The following TNFAIP8 variants were observed in gnomAD, a reference collection of about 807,000 sequenced individuals.
The protein encoded by TNFAIP8 is tumor necrosis factor alpha-induced protein 8.
In TNFAIP8, 7 loss-of-function variants were observed where a neutral mutation model predicts 13.3. The ratio of observed to expected loss-of-function variants is 0.52; its 90% CI spans 0.30 to 0.99. The LOEUF is 0.99. Among genes scored for constraint, TNFAIP8 ranks in the 50% least tolerant of loss-of-function variants. The probability of loss-of-function intolerance (pLI) is 0.07; values close to 1 mark genes in which losing one functional copy is unlikely to be tolerated. For synonymous variants in TNFAIP8, 94 were observed against 87.6 expected (o/e 1.07, Z -0.41); for missense variants, 258 against 236.9 (o/e 1.09, Z -0.58).
intron 1 of TNFAIP8, among the ~76,000 whole-genome samples, chr5:119,350,890 C>G (rs576308712): frequency 6.6e-6 from 1 of 152,202 alleles, no homozygotes; most frequent in Non-Finnish European, 1.5e-5. Flanking sequence ...CCACATCAGC[C>G]TCCCCAGTCT....
intron 1 of TNFAIP8, among the ~76,000 whole-genome samples, chr5:119,284,572 T>G (rs952996580): frequency 6.6e-6 from 1 of 151,974 alleles, no homozygotes; most frequent in Non-Finnish European, 1.5e-5. Context: ...TCCCAGCTCC[T>G]TGGGAGGCTG....
chr5:119,365,670 T>C (rs1040657773), intron 1 of TNFAIP8, among the ~76,000 whole-genome samples: 1 of 152,226 alleles, frequency 6.6e-6, no homozygotes, highest in African/African-American at 2.4e-5. Context: ...AGCAAAATAT[T>C]AGTGCACTGA....
chr5:119,386,837 C>T (rs1752694314), intron 1 of TNFAIP8, among the ~76,000 whole-genome samples: 1 of 152,176 alleles, frequency 6.6e-6, no homozygotes, highest in Non-Finnish European at 1.5e-5. Context: ...ATTAAGGTGC[C>T]TGGCACTTGT....
chr5:119,385,999 G>A (rs12332329), intron 1 of TNFAIP8, among the ~76,000 whole-genome samples: 47,569 of 152,006 alleles, frequency 0.31, 7,708 homozygotes, highest in African/African-American at 0.4. Flanking sequence ...CCTGAGCAGT[G>A]TGGCAGTTCA....
intron 1 of TNFAIP8, among the ~76,000 whole-genome samples, chr5:119,363,655 C>T (rs1159102763): frequency 1.3e-5 from 2 of 152,228 alleles, no homozygotes; most frequent in Admixed American, 1.3e-4. Flanking sequence ...ACATTGCTGA[C>T]ACCGAATGTG....
chr5:119,356,016 G>T, upstream of TNFAIP8: 1 of 1,538,356 alleles, frequency 6.5e-7, no homozygotes, highest in Non-Finnish European at 8.8e-7. Flanking sequence ...TGCGGATTTC[G>T]CTGCAGAGCG....
intron 1 of TNFAIP8, among the ~76,000 whole-genome samples, chr5:119,332,786 T>C (rs1339907890): frequency 6.6e-6 from 1 of 152,202 alleles, no homozygotes; most frequent in African/African-American, 2.4e-5. Context: ...CCCACGTAAA[T>C]AAACAGGCTC....
At chr5:119,357,268 C>T (rs1751465722) in intron 1 of TNFAIP8, among the ~76,000 whole-genome samples, 1 of 152,174 alleles carries the variant, frequency 6.6e-6, no homozygotes, top group Non-Finnish European at 1.5e-5. Context: ...TGAAAAATGA[C>T]AGCCAGGAGC....
intron 1 of TNFAIP8, among the ~76,000 whole-genome samples, chr5:119,311,782 A>G (rs994663218): frequency 6.6e-6 from 1 of 151,754 alleles, no homozygotes; most frequent in African/African-American, 2.4e-5. Context: ...ATTATTAGGA[A>G]GTGCTGATGA....
At chr5:119,375,123 G>C (rs1261717708) in intron 1 of TNFAIP8, among the ~76,000 whole-genome samples, 1 of 152,200 alleles carries the variant, frequency 6.6e-6, no homozygotes, top group African/African-American at 2.4e-5. Flanking sequence ...CCAAAAGTTT[G>C]TAAGCTTTGC....
intron 1 of TNFAIP8, among the ~76,000 whole-genome samples, chr5:119,304,069 G>C (rs2112657544): frequency 6.6e-6 from 1 of 151,918 alleles, no homozygotes; most frequent in East Asian, 1.9e-4. Context: ...TCATTCCCCA[G>C]CTTGAAATTC....
intron 1 of TNFAIP8, among the ~76,000 whole-genome samples, chr5:119,336,028 G>A (rs1322661015): frequency 1.3e-5 from 2 of 152,040 alleles, no homozygotes; most frequent in African/African-American, 2.4e-5. Context: ...GAGGGCAAGC[G>A]GCTGCAAAGG....
In TNFAIP8 at chr5:119,395,834, C is replaced by G. The variant is rs539812342; in HGVS notation, c.*2453C>G. 2.0e-5 allele frequency: 3 copies of G among 152,152 alleles called. No individual in the cohort carries two copies. The highest frequency in any genetic ancestry group is 4.4e-5 in the Non-Finnish European group (3 of 68,036). The allele number at this position is 152,152 out of a possible 1,614,324, so 9.4% of individuals were successfully genotyped here. ...TAGATAAATCTGAGCCGAGTTAATA[C>G]TAATTTGGGGATCCTATGAACCTTT... On this transcript the variant is annotated 3_prime_UTR_variant, in exon 2 of 2. Coordinates refer to ENST00000504771, the MANE Select transcript of TNFAIP8 (RefSeq NM_014350.4).
chr5:119,316,284 T>C (rs2112325), intron 1 of TNFAIP8: 58,753 of 151,424 alleles, frequency 0.39, 12,066 homozygotes, highest in African/African-American at 0.5. Context: ...CTCAGTCTCC[T>C]GAGTAGCTGG....
upstream of TNFAIP8, chr5:119,355,550 T>G (rs1010356231): frequency 3.8e-5 from 22 of 580,796 alleles, no homozygotes; most frequent in Admixed American, 2.2e-4. Context: ...CCGTAATTTT[T>G]GGGTTGCAAG....
rs1753059579 is a variant in TNFAIP8 at position 119,395,812 on chromosome 5, A to G, written c.*2431A>G. 1 of 152,212 alleles carries G rather than the reference A, an allele frequency of 6.6e-6. No individual in the cohort carries two copies. Among genetic ancestry groups the G allele is most frequent in the South Asian group, 2.1e-4 (1 of 4,824 alleles). 9.4% of individuals were successfully genotyped at this position (152,212 alleles called of 1,614,324 possible). On this transcript the variant is annotated 3_prime_UTR_variant, in exon 2 of 2. Coordinates refer to ENST00000504771, the MANE Select transcript of TNFAIP8 (RefSeq NM_014350.4). Reference sequence around the variant, plus strand: ...AAGAATCCCCACGTGCTTAGGGTAGATAAATCTGAGCCGAGTTAATACTAA... The same window carrying G: ...AAGAATCCCCACGTGCTTAGGGTAGGTAAATCTGAGCCGAGTTAATACTAA...
In TNFAIP8 at chr5:119,282,080, A is replaced by G. The variant is rs150978804; in HGVS notation, c.1+13173A>G. On this transcript the variant is annotated intron_variant, in intron 1 of 1. Transcript: ENST00000274456. Reference sequence around the variant, plus strand: ...TTTAGCACTTTTCAGAGTATCAACTATATATCATTTCATTCAGTCAACAGA... The same window carrying G: ...TTTAGCACTTTTCAGAGTATCAACTGTATATCATTTCATTCAGTCAACAGA... Among the ~76,000 whole-genome samples, 1,359 of 152,322 alleles carry G rather than the reference A, an allele frequency of 8.9e-3. 28 individuals are homozygous for G. The highest frequency in any genetic ancestry group is 0.031 in the African/African-American group (1,288 of 41,546).
chr5:119,289,637 C>T (rs1021776375), intron 1 of TNFAIP8, among the ~76,000 whole-genome samples: 2 of 152,174 alleles, frequency 1.3e-5, no homozygotes, highest in African/African-American at 2.4e-5. Flanking sequence ...AAATCCTGTA[C>T]ATGGCTGCTG....
At chr5:119,300,212 G>A (rs185151466) in intron 1 of TNFAIP8, among the ~76,000 whole-genome samples, 14 of 152,342 alleles carry the variant, frequency 9.2e-5, no homozygotes, top group East Asian at 7.7e-4. Flanking sequence ...CGCTCACGCC[G>A]GGAGCTGTAG....
Sources: gnomAD v4.1 joint callset for allele counts (sites outside exome capture counted in the v4.1 genomes callset) on GRCh38, gnomAD v4.1.1 for gene constraint, MANE v1.5 for transcripts, NCBI Gene and HGNC (gene_info 2026-07-23, HGNC 2026-07-21) for gene names.